Variants in METTL21A observed in about 807,000 individuals in gnomAD.
The protein encoded by METTL21A is methyltransferase 21A, HSPA lysine.
A neutral mutation model predicts 20.9 loss-of-function variants in METTL21A; 22 were observed. That is an observed-to-expected ratio of 1.05 (90% CI 0.75 to 1.50). METTL21A has a LOEUF of 1.50. Ranked by LOEUF, METTL21A falls within the 40% of genes most tolerant of loss-of-function variation. The probability of loss-of-function intolerance (pLI) is 0.00; values close to 1 mark genes in which losing one functional copy is unlikely to be tolerated. For missense variants in METTL21A, 271 were observed against 266.8 expected, an observed-to-expected ratio of 1.02 and a Z score of -0.11; for synonymous variants, 93 against 102.0, an observed-to-expected ratio of 0.91 and a Z score of 0.53.
chr2:207,597,676 G>C, intron 3 of METTL21A: 1 of 206,528 alleles, frequency 4.8e-6, no homozygotes, highest in Non-Finnish European at 9.9e-6. Flanking sequence ...ATTTGTCCTT[G>C]GTTCTTAAAA....
chr2:207,592,884 G>T (rs936692671), intron 3 of METTL21A, among the ~76,000 whole-genome samples: 4 of 75,134 alleles, frequency 5.3e-5, no homozygotes, highest in Non-Finnish European at 1.1e-4. Context: ...CTGCACTCCA[G>T]CCTGGCGACA....
At chr2:207,587,178 G>T (rs1190614386) in intron 3 of METTL21A, among the ~76,000 whole-genome samples, 1 of 152,192 alleles carries the variant, frequency 6.6e-6, no homozygotes, top group Non-Finnish European at 1.5e-5. Flanking sequence ...TGGATCACAA[G>T]GTCAGGAGAT....
intron 3 of METTL21A, among the ~76,000 whole-genome samples, chr2:207,614,881 T>C (rs1205314156): frequency 1.3e-5 from 2 of 152,234 alleles, no homozygotes; most frequent in African/African-American, 4.8e-5. Context: ...ATAAAATTCT[T>C]TCCATTTGCA....
intron 1 of METTL21A, chr2:207,624,762 C>G (rs550007592): frequency 2.7e-4 from 42 of 153,120 alleles, no homozygotes; most frequent in South Asian, 1.0e-3. Context: ...GCAGCGCTTC[C>G]AACCCAGACC....
At position 207,595,136 on chromosome 2, in the gene METTL21A, C is replaced by T. The variant is rs188223830; in HGVS notation, c.260-12976G>A. ...TCAGCCTCCTGAGTAGCTGGGACTA[C>T]AGGCACCCACCACCATACCTGGCTA... On this transcript the variant is annotated intron_variant, in intron 3 of 3. Transcript: ENST00000425132. Among the ~76,000 whole-genome samples the T allele has an allele frequency of 1.8e-3, 270 of 151,806 alleles. 2 individuals are homozygous for T. Among genetic ancestry groups the T allele is most frequent in the African/African-American group, 6.3e-3 (262 of 41,372 alleles).
intron 3 of METTL21A, among the ~76,000 whole-genome samples, chr2:207,588,349 A>G (rs370126212): frequency 4.0e-5 from 6 of 151,776 alleles, no homozygotes; most frequent in African/African-American, 1.5e-4. Context: ...TTAATTGACC[A>G]TATTTGTGTG....
At chr2:207,604,555 GGAA>G (rs1193936130), downstream of METTL21A, among the ~76,000 whole-genome samples, 3 of 152,166 alleles carry the variant, frequency 2.0e-5, no homozygotes, top group Non-Finnish European at 4.4e-5. Flanking sequence ...CAAATGGAAA[GGAA>G]GGATAATGTC....
downstream of METTL21A, chr2:207,580,715 T>TA (rs936727921): frequency 4.5e-6 from 1 of 223,198 alleles, no homozygotes; most frequent in Non-Finnish European, 8.9e-6. Flanking sequence ...GCTCTTCTGT[T>TA]AATTTGTGTT....
At chr2:207,614,392 A>G (rs4530353) in intron 3 of METTL21A, among the ~76,000 whole-genome samples, 126,236 of 151,062 alleles carry the variant, frequency 0.84, 52,942 homozygotes, top group East Asian at 1. Context: ...AAAAAAAAAA[A>G]AATATCTGGG....
At chr2:207,603,900 C>T (rs931524941) in intron 3 of METTL21A, among the ~76,000 whole-genome samples, 1 of 152,154 alleles carries the variant, frequency 6.6e-6, no homozygotes, top group Non-Finnish European at 1.5e-5. Flanking sequence ...AGTTCTGAGA[C>T]GAGACATCTG....
At chr2:207,596,465 C>G (rs1042852498) in intron 3 of METTL21A, among the ~76,000 whole-genome samples, 1 of 152,100 alleles carries the variant, frequency 6.6e-6, no homozygotes, top group African/African-American at 2.4e-5. Context: ...CGGAGTCTCA[C>G]TCTTGTCACT....
downstream of METTL21A, chr2:207,609,816 C>T (rs1221598644): frequency 1.1e-3 from 8 of 7,284 alleles, 2 homozygotes. Flanking sequence ...TCTCCCTCTC[C>T]CTCTCCCTCC....
intron 3 of METTL21A, among the ~76,000 whole-genome samples, chr2:207,592,266 G>A (rs2085184728): frequency 6.6e-6 from 1 of 151,820 alleles, no homozygotes; most frequent in South Asian, 2.1e-4. Flanking sequence ...AATGAGCTGG[G>A]CGTGGTGGCA....
At chr2:207,621,942 C>G in intron 2 of METTL21A, 25 bp from the exon 3 acceptor site, 1 of 1,598,360 alleles carries the variant, frequency 6.3e-7, no homozygotes, top group East Asian at 2.2e-5. Flanking sequence ...AGTGTGATGA[C>G]GATTAAGGTC....
At chr2:207,581,661 G>T, downstream of METTL21A, 1 of 461,616 alleles carries the variant, frequency 2.2e-6, no homozygotes, top group Admixed American at 3.9e-5. Context: ...ACAGAGTTCC[G>T]GATACCCTTC....
chr2:207,603,783 ACT>A (rs2087559184), intron 3 of METTL21A, among the ~76,000 whole-genome samples: 1 of 152,034 alleles, frequency 6.6e-6, no homozygotes, highest in Admixed American at 6.6e-5. Flanking sequence ...CAATTCTAAA[ACT>A]CTGTGATCAT....
chr2:207,602,080 T>C lies in METTL21A; in HGVS notation c.259+19726A>G, dbSNP rs111842669. The C allele has an allele frequency of 3.1e-3, 641 of 205,812 alleles. 4 individuals carry two copies. The highest frequency in any genetic ancestry group is 3.8e-3 in the Non-Finnish European group (378 of 100,738). The allele number at this position is 205,812 out of a possible 1,614,324, so 12.7% of individuals were successfully genotyped here. ...GTGCTGAAGTTCCATCTGTCTCATC[T>C]GCTTATGATAAGTTCTTATTGATTA... On this transcript the variant is annotated intron_variant, in intron 3 of 3. Transcript: ENST00000425132.
rs138999643 is a variant in METTL21A, at chr2:207,595,089, G to A, written c.260-12929C>T. On this transcript the variant is annotated intron_variant, in intron 3 of 3. Coordinates refer to the METTL21A transcript ENST00000425132. ...CGGCTTACTGCAACCTCTGCCTCCC[G>A]GGTTTAAGTGATTCTCCTGCCTCAG... is the stretch of plus-strand genomic sequence containing the variant. Among the ~76,000 whole-genome samples, 469 of 149,018 alleles carry A rather than the reference G, an allele frequency of 3.1e-3. 4 individuals are homozygous for A. The highest frequency in any genetic ancestry group is 7.0e-3 in the Admixed American group (104 of 14,804).
chr2:207,622,030 T>C, intron 2 of METTL21A, 113 bp from the exon 3 acceptor site: 1 of 842,224 alleles, frequency 1.2e-6, no homozygotes, highest in Non-Finnish European at 2.0e-6. Flanking sequence ...AATTCCCAGC[T>C]TAACAACACA....
Sources: gnomAD v4.1 joint callset for allele counts (sites outside exome capture counted in the v4.1 genomes callset) on GRCh38, gnomAD v4.1.1 for gene constraint, MANE v1.5 for transcripts, NCBI Gene and HGNC (gene_info 2026-07-23, HGNC 2026-07-21) for gene names.